The following ADAM19 variants were observed in gnomAD, a reference collection of about 807,000 sequenced individuals.
ADAM19 encodes disintegrin and metalloproteinase domain-containing protein 19.
A neutral mutation model predicts 114.7 loss-of-function variants in ADAM19; 65 were observed. The observed-to-expected ratio is 0.57, with a 90% confidence interval of 0.46 to 0.70. The LOEUF (loss-of-function observed/expected upper bound fraction) is 0.70. ADAM19 is among the 30% of genes least tolerant of loss of function. The pLI is 0.00. For synonymous variants in ADAM19, 466 were observed against 460.5 expected (o/e 1.01, Z -0.15); for missense variants, 1,063 against 1,204.7 (o/e 0.88, Z 1.74).
At chr5:157,539,153 CA>C (rs11336664) in intron 3 of ADAM19, among the ~76,000 whole-genome samples, 26,074 of 91,782 alleles carry the variant, frequency 0.28, 2,124 homozygotes, top group African/African-American at 0.35. Flanking sequence ...GACTCTGTCT[CA>C]AAAAAAAAAA....
chr5:157,554,543 G>C (rs1757311984), intron 3 of ADAM19, among the ~76,000 whole-genome samples: 1 of 152,328 alleles, frequency 6.6e-6, no homozygotes, highest in African/African-American at 2.4e-5. Context: ...GTGTTTTCGA[G>C]ATACAATTAG....
Position 157,519,985 on chromosome 5 carries a change from G to T in ADAM19, c.454C>A (p.Leu152Ile). The T allele has an allele frequency of 6.2e-7, 1 of 1,614,194 alleles. No homozygotes were observed. Among genetic ancestry groups the T allele is most frequent in the Non-Finnish European group, 8.5e-7 (1 of 1,180,030 alleles). The part of the protein sequence containing the change: ...SSNLSYVIEP[L>I]PDSKGQHLIY... The stretch of plus-strand genomic sequence containing the variant: ...AGGTGTTGGCCCTTGCTGTCAGGGA[G>T]GGGCTCGATGACGTAGCTGAGGTTG... The change falls in exon 6 of 23, where the codon CTC becomes ATC. Residue 152 changes from leucine to isoleucine, a missense_variant. Leu to Ile is a conservative substitution (Grantham distance 5). Transcript: ENST00000257527.
rs146926448 is a variant in ADAM19, at chr5:157,570,075, C to T, written c.180+820G>A. Among the ~76,000 whole-genome samples, 78 of 152,286 alleles carry T rather than the reference C, an allele frequency of 5.1e-4. No homozygotes were observed. The East Asian group carries it at 0.014, about 27-fold the overall frequency. On this transcript the variant is annotated intron_variant, in intron 2 of 22. Transcript: ENST00000257527. ...AGGAGTTCGAGACCACCCTGGACAACATGGTGAAAACCCATCTCTACTAAA... is the reference window on the plus strand; with the variant it reads ...AGGAGTTCGAGACCACCCTGGACAATATGGTGAAAACCCATCTCTACTAAA...
chr5:157,550,292 G>A (rs1162368811), intron 3 of ADAM19, among the ~76,000 whole-genome samples: 1 of 152,188 alleles, frequency 6.6e-6, no homozygotes, highest in Non-Finnish European at 1.5e-5. Context: ...TCCTTCGCCT[G>A]TGGTGGCATA....
intron 1 of ADAM19, among the ~76,000 whole-genome samples, chr5:157,572,720 T>C (rs1346686956): frequency 6.6e-6 from 1 of 152,242 alleles, no homozygotes; most frequent in African/African-American, 2.4e-5. Flanking sequence ...TACTATGCTA[T>C]GAATAGGTGC....
intron 15 of ADAM19, 132 bp from the exon 16 acceptor site, chr5:157,493,309 C>T: frequency 1.1e-6 from 1 of 899,810 alleles, no homozygotes; most frequent in Non-Finnish European, 1.7e-6. Context: ...TTAGGGCAGT[C>T]ATGTGCTTTG....
At chr5:157,494,347 G>C (rs369509851) in intron 15 of ADAM19, among the ~76,000 whole-genome samples, 1 of 152,144 alleles carries the variant, frequency 6.6e-6, no homozygotes. Context: ...ATGAATGAAT[G>C]AGTGAATTAA....
At chr5:157,507,234 G>A (rs937941876) in intron 9 of ADAM19, 94 bp from the exon 10 acceptor site, 54 of 1,244,846 alleles carry the variant, frequency 4.3e-5, no homozygotes, top group Non-Finnish European at 5.2e-5. Flanking sequence ...GGGTTCCCTG[G>A]ACCCGCTGAC....
At chr5:157,549,320 G>A (rs1406651786) in intron 3 of ADAM19, among the ~76,000 whole-genome samples, 2 of 152,150 alleles carry the variant, frequency 1.3e-5, no homozygotes, top group Non-Finnish European at 2.9e-5. Flanking sequence ...CCCACCAGTG[G>A]AAGAAAAAGC....
chr5:157,519,010 G>A lies in ADAM19; in HGVS notation c.601-122C>T, dbSNP rs187577994. On this transcript the variant is annotated intron_variant, in intron 6 of 22. Coordinates refer to ENST00000257527, the MANE Select transcript of ADAM19 (RefSeq NM_033274.5). ...TACCTCCGTAATGATTTTGTCATTC[G>A]GCACTAGAGATGTTCTTGGCTGTGG... 7.9e-4 allele frequency: 643 copies of A among 814,330 alleles called. 3 individuals are homozygous for A. The highest frequency in any genetic ancestry group is 1.5e-3 in the Admixed American group (71 of 48,944). The allele number at this position is 814,330 out of a possible 1,614,324, so 50.4% of individuals were successfully genotyped here. A position where few individuals can be genotyped will look rare whatever the true frequency, so the allele number is the denominator to read the frequency against.
intron 13 of ADAM19, among the ~76,000 whole-genome samples, chr5:157,499,113 T>G (rs1166688936): frequency 6.6e-6 from 1 of 152,162 alleles, no homozygotes; most frequent in Non-Finnish European, 1.5e-5. Context: ...TCTTATCCCC[T>G]ATAAGCTCTA....
In ADAM19 at chr5:157,478,947, G is replaced by A. The variant is rs569815229; in HGVS notation, c.*2002C>T. ...CTGGAGAAGCCACAGGAAGCTCTGT[G>A]AGGCATGGGGTTGGGTTTTGAGGAT... On this transcript the variant is annotated 3_prime_UTR_variant, in exon 23 of 23. Transcript: ENST00000257527. 9.1e-6 allele frequency: 9 copies of A among 985,646 alleles called. No homozygotes were observed. In the African/African-American group the frequency reaches 1.4e-4, roughly 15 times the overall value. 61.1% of individuals were successfully genotyped at this position (985,646 alleles called of 1,614,324 possible).
chr5:157,551,073 T>C (rs989119896), intron 3 of ADAM19, among the ~76,000 whole-genome samples: 2 of 152,086 alleles, frequency 1.3e-5, no homozygotes, highest in Non-Finnish European at 2.9e-5. Context: ...TCTCTCATTG[T>C]ATACAAAAAT....
chr5:157,483,186 G>A (rs1754814765), intron 21 of ADAM19, among the ~76,000 whole-genome samples: 1 of 151,592 alleles, frequency 6.6e-6, no homozygotes, highest in Admixed American at 6.6e-5. Flanking sequence ...TTCTGCACAT[G>A]TACCCCAGAA....
chr5:157,550,385 G>A (rs11748149), intron 3 of ADAM19, among the ~76,000 whole-genome samples: 10,896 of 152,110 alleles, frequency 0.072, 504 homozygotes, highest in Middle Eastern at 0.15. Context: ...ACTCATGCTG[G>A]ATTAGAGACC....
intron 7 of ADAM19, among the ~76,000 whole-genome samples, chr5:157,514,391 G>A (rs1369362943): frequency 4.0e-5 from 6 of 150,672 alleles, no homozygotes; most frequent in South Asian, 2.1e-4. Context: ...GTGCAGTGGC[G>A]TGATCTCGGC....
chr5:157,538,497 G>A (rs1013442600), intron 3 of ADAM19, among the ~76,000 whole-genome samples: 3 of 152,226 alleles, frequency 2.0e-5, no homozygotes, highest in African/African-American at 7.2e-5. Flanking sequence ...TATTTCAAGC[G>A]AAGCCAGTGG....
At chr5:157,524,468 A>G (rs1756397656) in intron 5 of ADAM19, among the ~76,000 whole-genome samples, 2 of 152,276 alleles carry the variant, frequency 1.3e-5, no homozygotes, top group African/African-American at 4.8e-5. Flanking sequence ...CACCAAATGC[A>G]TTCTTCAAGG....
intron 7 of ADAM19, among the ~76,000 whole-genome samples, chr5:157,518,148 A>G (rs951522986): frequency 8.5e-5 from 13 of 152,226 alleles, no homozygotes; most frequent in African/African-American, 2.9e-4. Flanking sequence ...CTTTGCAAAA[A>G]AAAAAGTTTT....
Sources: allele counts gnomAD v4.1 joint callset (sites outside exome capture counted in the v4.1 genomes callset), GRCh38; gene constraint gnomAD v4.1.1; transcripts MANE v1.5; gene names NCBI Gene and HGNC (gene_info 2026-07-23, HGNC 2026-07-21).